Variants in ALDH3B1 observed in about 807,000 individuals in gnomAD.
The protein encoded by ALDH3B1 is aldehyde dehydrogenase family 3 member B1.
In ALDH3B1, 37 loss-of-function variants were observed where a neutral mutation model predicts 46.2. The ratio of observed to expected loss-of-function variants is 0.80; its 90% CI spans 0.62 to 1.05. The LOEUF (loss-of-function observed/expected upper bound fraction) is 1.05. ALDH3B1 is among the 50% of genes least tolerant of loss of function. ALDH3B1 has a pLI of 0.00. For synonymous variants in ALDH3B1, 283 were observed against 281.0 expected, an observed-to-expected ratio of 1.01 and a Z score of -0.07; for missense variants, 603 against 665.5, an observed-to-expected ratio of 0.91 and a Z score of 1.03.
Position 68,020,610 on chromosome 11 carries a change from C to CA in ALDH3B1, c.562+815dup, listed in dbSNP as rs775299553. Among the ~76,000 whole-genome samples, 17 of 152,294 alleles carry CA rather than the reference C, an allele frequency of 1.1e-4. No individual in the cohort carries two copies. The East Asian group carries it at 3.1e-3, about 28-fold the overall frequency. On this transcript the variant is annotated intron_variant, in intron 6 of 9. Transcript: ENST00000342456. Reference sequence around the variant, plus strand: ...TGCTGGCAGGCGAGTCTGCGCCTTACAGGTCGAGGCAGTCGTGGGGAAGGG... The same window carrying CA: ...TGCTGGCAGGCGAGTCTGCGCCTTACAAGGTCGAGGCAGTCGTGGGGAAGGG...
rs937960556 is a variant in ALDH3B1 at position 68,019,925 on chromosome 11, G to A, written c.562+129G>A. On this transcript the variant is annotated intron_variant, in intron 6 of 9. Coordinates refer to ENST00000342456, the MANE Select transcript of ALDH3B1 (RefSeq NM_000694.4). Reference sequence around the variant, plus strand: ...CTCTCTCTCTCTCTGGACCAGGCTGGGAGCAGTCCTGGACCCCCAGGACCC... The same window carrying A: ...CTCTCTCTCTCTCTGGACCAGGCTGAGAGCAGTCCTGGACCCCCAGGACCC... The A allele has an allele frequency of 4.7e-6, 5 of 1,072,606 alleles. No homozygotes were observed. In the African/African-American group the frequency reaches 4.7e-5, roughly 10 times the overall value. 66.4% of individuals were successfully genotyped at this position (1,072,606 alleles called of 1,614,324 possible).
chr11:68,027,100 C>A (rs1857644034), intron 9 of ALDH3B1, among the ~76,000 whole-genome samples: 1 of 152,156 alleles, frequency 6.6e-6, no homozygotes, highest in South Asian at 2.1e-4. Context: ...ACCTGCTGCT[C>A]CCACAGCCTG....
chr11:68,018,623 G>A lies in ALDH3B1; in HGVS notation c.259G>A (p.Val87Met). Residue 87 changes from valine to methionine, a missense_variant, in exon 3 of 10, where the codon GTG (valine) becomes ATG (methionine). Physicochemically the swap from Val to Met is conservative, Grantham distance 21. Transcript: ENST00000342456. Reference sequence around the variant, plus strand: ...CCGGGCCTGGATGAAGGACGAGCGTGTGCCCAAGAACCTGGTGAGCCGGCC... The same window carrying A: ...CCGGGCCTGGATGAAGGACGAGCGTATGCCCAAGAACCTGGTGAGCCGGCC... ...NLRAWMKDERVPKNLATQLDS... is the reference protein window; with the variant it reads ...NLRAWMKDERMPKNLATQLDS... 1 of 1,577,476 alleles carries A rather than the reference G, an allele frequency of 6.3e-7. No individual in the cohort carries two copies. Among genetic ancestry groups the A allele is most frequent in the Non-Finnish European group, 8.6e-7 (1 of 1,162,192 alleles).
chr11:68,021,662 C>T lies in ALDH3B1; in HGVS notation c.740C>T (p.Pro247Leu), dbSNP rs1040170511. ...YFNAGQTCVA[P>L]DYVLCSPEMQ... ...AACGCCGGCCAGACCTGCGTGGCCCCCGACTACGTCCTATGCAGCCCTGAG... is the reference window on the plus strand; with the variant it reads ...AACGCCGGCCAGACCTGCGTGGCCCTCGACTACGTCCTATGCAGCCCTGAG... The change falls in exon 7 of 10, where the codon CCC becomes CTC. Residue 247 changes from proline (P) to leucine (L), a missense_variant. Physicochemically the swap from Pro to Leu is moderately conservative, Grantham distance 98. Coordinates refer to ENST00000342456, the MANE Select transcript of ALDH3B1 (RefSeq NM_000694.4). 1 of 1,613,988 alleles carries T rather than the reference C, an allele frequency of 6.2e-7. No individual in the cohort carries two copies. Among genetic ancestry groups the T allele is most frequent in the African/African-American group, 1.3e-5 (1 of 75,016 alleles).
chr11:68,014,004 G>T (rs1245674308), intron 1 of ALDH3B1, among the ~76,000 whole-genome samples: 4 of 152,230 alleles, frequency 2.6e-5, no homozygotes, highest in African/African-American at 9.6e-5. Flanking sequence ...ACCGGAGCAG[G>T]TCCCGCCCTC....
In ALDH3B1 at chr11:68,021,818, G is replaced by T. The variant is rs746125680; in HGVS notation, c.896G>T (p.Gly299Val). 6.0e-5 allele frequency: 97 copies of T among 1,614,054 alleles called. No individual in the cohort carries two copies. The highest frequency in any genetic ancestry group is 8.1e-5 in the Non-Finnish European group (96 of 1,179,946). ...TTCCAGCGGCTGCGGGCATTGCTGG[G>T]CTGCGGCCGTGTGGCCATTGGGGGC... ...KQFQRLRALLGCGRVAIGGQS... is the reference protein window; with the variant it reads ...KQFQRLRALLVCGRVAIGGQS... Residue 299 changes from glycine (G) to valine (V), a missense_variant, in exon 7 of 10, where the codon GGC (glycine) becomes GTC (valine). Gly to Val is a moderately radical substitution (Grantham distance 109). Transcript: ENST00000342456.
At chr11:68,010,152 C>T (rs903118697), upstream of ALDH3B1, among the ~76,000 whole-genome samples, 2 of 152,152 alleles carry the variant, frequency 1.3e-5, no homozygotes, top group East Asian at 1.9e-4. Flanking sequence ...GCCTGGCGCC[C>T]TCTGGGCGTT....
At chr11:68,027,217 T>C (rs1407759135) in intron 9 of ALDH3B1, among the ~76,000 whole-genome samples, 1 of 152,066 alleles carries the variant, frequency 6.6e-6, no homozygotes, top group Non-Finnish European at 1.5e-5. Flanking sequence ...TAACTGCATA[T>C]CCTTGGAGCT....
In ALDH3B1 at chr11:68,027,935, T is replaced by C. The variant is rs1385777231; in HGVS notation, c.1403T>C (p.Leu468Pro). ...GCCCAAGGCTGCAGCTGCACACTGC[T>C]CTGAGCCCTTCCCCAGGCCCAGGCT... ...MEAQGCSCTL[L>P] The change falls in exon 10 of 10, where the codon CTC (leucine) becomes CCC (proline). Residue 468 changes from leucine to proline, a missense_variant. Coordinates refer to ENST00000342456, the MANE Select transcript of ALDH3B1 (RefSeq NM_000694.4). 1.0e-5 allele frequency: 16 copies of C among 1,553,538 alleles called. No individual in the cohort carries two copies. The highest frequency in any genetic ancestry group is 2.4e-5 in the East Asian group (1 of 41,838).
At chr11:68,012,665 C>A (rs1857258043) in intron 1 of ALDH3B1, among the ~76,000 whole-genome samples, 1 of 152,190 alleles carries the variant, frequency 6.6e-6, no homozygotes, top group Admixed American at 6.5e-5. Context: ...CAGCAAGAGA[C>A]CTCCCCTCAC....
Position 68,022,606 on chromosome 11 carries a change from C to T in ALDH3B1, c.961C>T (p.Leu321=), listed in dbSNP as rs776098306. The change falls in exon 8 of 10, where the codon CTG becomes TTG. Residue 321 remains leucine, a synonymous_variant. Transcript: ENST00000342456. ...ESDRYIAPTV[L]VDVQEMEPVM... ...TCTGGTGCCTGCAGCCCCCACGGTG[C>T]TGGTGGATGTGCAGGAGATGGAGCC... 1.9e-6 allele frequency: 3 copies of T among 1,613,746 alleles called. No individual in the cohort carries two copies. The highest frequency in any genetic ancestry group is 2.5e-6 in the Non-Finnish European group (3 of 1,179,992).
chr11:68,014,686 G>C (rs1720105612), intron 1 of ALDH3B1, among the ~76,000 whole-genome samples: 1 of 152,204 alleles, frequency 6.6e-6, no homozygotes, highest in Admixed American at 6.5e-5. Flanking sequence ...TGAGGAAGCT[G>C]AGGCACAGGG....
intron 8 of ALDH3B1, chr11:68,024,510 C>A (rs1334600402): frequency 6.6e-6 from 1 of 152,144 alleles, no homozygotes. Context: ...TGTTGTATTG[C>A]CATTTGATAC....
In ALDH3B1 at chr11:68,026,152, T is replaced by C. The variant is rs745839169; in HGVS notation, c.1216+44T>C. 4.0e-5 allele frequency: 60 copies of C among 1,503,020 alleles called. No homozygotes were observed. The Middle Eastern group carries it at 5.2e-4, about 13-fold the overall frequency. 93.1% of individuals were successfully genotyped at this position (1,503,020 alleles called of 1,614,324 possible). On this transcript the variant is annotated intron_variant, in intron 9 of 9. Transcript: ENST00000342456. ...GCCCTTCTGTTACCATTTGGTCAAA[T>C]TGCAATAGTGTTACCTGCATACATT...
rs759226813 is a variant in ALDH3B1 at position 68,022,613 on chromosome 11, A to T, written c.968A>T (p.Asp323Val). Reference sequence around the variant, plus strand: ...CCTGCAGCCCCCACGGTGCTGGTGGATGTGCAGGAGATGGAGCCTGTGATG... The same window carrying T: ...CCTGCAGCCCCCACGGTGCTGGTGGTTGTGCAGGAGATGGAGCCTGTGATG... ...DRYIAPTVLV[D>V]VQEMEPVMQE... is the part of the protein sequence containing the mutation. The change falls in exon 8 of 10, where the codon GAT becomes GTT. Residue 323 changes from aspartate to valine, a missense_variant. Asp to Val is a radical substitution (Grantham distance 152). Coordinates refer to ENST00000342456, the MANE Select transcript of ALDH3B1 (RefSeq NM_000694.4). 1 of 1,613,758 alleles carries T rather than the reference A, an allele frequency of 6.2e-7. No homozygotes were observed. The highest frequency in any genetic ancestry group is 1.1e-5 in the South Asian group (1 of 91,058).
rs753775480 is a variant in ALDH3B1, at chr11:68,021,799, C to A, written c.877C>A (p.Arg293=). Residue 293 remains arginine (R), a synonymous_variant, in exon 7 of 10, where the codon CGG becomes AGG. Transcript: ENST00000342456. The part of the protein sequence containing the change: ...GRIINQKQFQ[R]LRALLGCGRV... Reference sequence around the variant, plus strand: ...CATCATCAACCAGAAACAGTTCCAGCGGCTGCGGGCATTGCTGGGCTGCGG... The same window carrying A: ...CATCATCAACCAGAAACAGTTCCAGAGGCTGCGGGCATTGCTGGGCTGCGG... The A allele has an allele frequency of 1.2e-6, 2 of 1,614,022 alleles. No homozygotes were observed. Among genetic ancestry groups the A allele is most frequent in the African/African-American group, 1.3e-5 (1 of 74,940 alleles).
At chr11:68,018,917 C>T (rs752427953) in intron 4 of ALDH3B1, 24 bp downstream of exon 4, 46 of 1,547,358 alleles carry the variant, frequency 3.0e-5, no homozygotes, top group Middle Eastern at 3.4e-4. Flanking sequence ...CTGCCCCTTC[C>T]GGTCACCCTT....
rs566786820 is a variant in ALDH3B1 at position 68,028,169 on chromosome 11, T to G, written c.*230T>G. 4 of 733,962 alleles carry G rather than the reference T, an allele frequency of 5.4e-6. No individual in the cohort carries two copies. In the East Asian group the frequency reaches 1.0e-4, roughly 19 times the overall value. 45.5% of individuals were successfully genotyped at this position (733,962 alleles called of 1,614,324 possible). A position where few individuals can be genotyped will look rare whatever the true frequency, so the allele number is the denominator to read the frequency against. On this transcript the variant is annotated 3_prime_UTR_variant, in exon 10 of 10. Coordinates refer to ENST00000342456, the MANE Select transcript of ALDH3B1 (RefSeq NM_000694.4). ...CCGAGGTGGGAGGCATGGGAAACAG[T>G]GCAGTGACTCACCCCCTGCCCCCGC...
rs761854097 is a variant in ALDH3B1 at position 68,022,712 on chromosome 11, A to G, written c.1067A>G (p.Asn356Ser). ...QSLDEAIEFI[N>S]RREKPLALYA... is the part of the protein sequence containing the mutation. ...TTGGACGAGGCCATCGAGTTCATCA[A>G]CCGGCGGGAGAAGCCCCTGGCCCTG... The change falls in exon 8 of 10, where the codon AAC (asparagine) becomes AGC (serine). Residue 356 changes from asparagine (N) to serine (S), a missense_variant. By Grantham distance (46) the Asn-to-Ser change is conservative. Coordinates refer to ENST00000342456, the MANE Select transcript of ALDH3B1 (RefSeq NM_000694.4). 2 of 1,614,138 alleles carry G rather than the reference A, an allele frequency of 1.2e-6. No individual in the cohort carries two copies. Among genetic ancestry groups the G allele is most frequent in the Non-Finnish European group, 1.7e-6 (2 of 1,180,018 alleles).
Sources: allele counts gnomAD v4.1 joint callset (sites outside exome capture counted in the v4.1 genomes callset), GRCh38; gene constraint gnomAD v4.1.1; transcripts MANE v1.5; gene names NCBI Gene and HGNC (gene_info 2026-07-23, HGNC 2026-07-21).